Variants in HIP1R observed in about 807,000 individuals in gnomAD.
HIP1R encodes the protein huntingtin interacting protein 1 related, also known as huntingtin-interacting protein 1-related protein.
In HIP1R, 135 loss-of-function variants were observed where a neutral mutation model predicts 144.2. The observed-to-expected ratio is 0.94, with a 90% CI of 0.81 to 1.08. The LOEUF (loss-of-function observed/expected upper bound fraction) is 1.08, where lower values mean the gene tolerates loss of function less well. HIP1R is among the 50% of genes least tolerant of loss of function. The probability of loss-of-function intolerance (pLI) is 0.00; values close to 1 mark genes in which losing one functional copy is unlikely to be tolerated. For missense variants in HIP1R, 1,462 were observed against 1,432.8 expected, an observed-to-expected ratio of 1.02 and a Z score of -0.33; for synonymous variants, 698 against 612.8, an observed-to-expected ratio of 1.14 and a Z score of -2.05.
intron 1 of HIP1R, 44 bp from the exon 2 acceptor site, chr12:122,847,987 G>T (rs1286040755): frequency 1.2e-6 from 2 of 1,601,560 alleles, no homozygotes; most frequent in South Asian, 1.1e-5. Context: ...GTCTCCTGGG[G>T]TGGCTGCCTG....
Position 122,856,066 on chromosome 12 carries a change from C to A in HIP1R, c.1215C>A (p.Ala405=). The change falls in exon 14 of 32, where the codon GCC becomes GCA. Residue 405 remains alanine, a synonymous_variant. Transcript: ENST00000253083. ...AGCAGCGGAAGCAGAAGCAGAAGGC[C>A]CTGGTGGATAATGAGCAGCTCCGCC... ...LEEQRKQKQK[A]LVDNEQLRHE... is the part of the protein sequence containing the mutation. 6.3e-7 allele frequency: 1 copy of A among 1,591,434 alleles called. No individual in the cohort carries two copies. Among genetic ancestry groups the A allele is most frequent in the Non-Finnish European group, 8.6e-7 (1 of 1,169,308 alleles).
At chr12:122,857,996 G>GTGA (rs984524082) in intron 18 of HIP1R, 106 bp from the exon 19 acceptor site, 2 of 976,496 alleles carry the variant, frequency 2.0e-6, no homozygotes, top group South Asian at 1.7e-5. Context: ...ACCAGTGAGG[G>GTGA]TCTCAGCTGG....
intron 1 of HIP1R, among the ~76,000 whole-genome samples, chr12:122,835,994 T>C (rs1441444987): frequency 6.7e-6 from 1 of 149,208 alleles, no homozygotes; most frequent in Non-Finnish European, 1.5e-5. Flanking sequence ...GGGGCCGGGG[T>C]TGGGTGTGCG....
In HIP1R at chr12:122,849,879, A is replaced by G; in HGVS notation, c.362A>G (p.His121Arg). 13 of 1,612,790 alleles carry G rather than the reference A, an allele frequency of 8.1e-6. No individual in the cohort carries two copies. The highest frequency in any genetic ancestry group is 1.1e-5 in the Non-Finnish European group (13 of 1,179,338). Residue 121 changes from histidine (H) to arginine (R), a missense_variant, in exon 5 of 32, where the codon CAT becomes CGT. This residue lies in a region of HIP1R where 350 missense variants were observed against 421.1 expected (regional missense o/e 0.83). Transcript: ENST00000253083. Reference protein sequence around the residue: ...NIREIGDLWGHLHDRYGQLVN... With the variant: ...NIREIGDLWGRLHDRYGQLVN... ...ACCCTGTCTGTCTTCACACAGGGAC[A>G]TTTGCATGACCGCTACGGACAGCTG...
At chr12:122,837,980 A>T (rs1003466061) in intron 1 of HIP1R, among the ~76,000 whole-genome samples, 5 of 152,110 alleles carry the variant, frequency 3.3e-5, no homozygotes, top group African/African-American at 1.2e-4. Context: ...CTTCCTTTGT[A>T]ATACGCTGCT....
At chr12:122,861,674 G>A in intron 31 of HIP1R, 32 bp from the exon 32 acceptor site, 2 of 1,613,130 alleles carry the variant, frequency 1.2e-6, no homozygotes, top group Non-Finnish European at 1.7e-6. Context: ...GCCTGGCTGT[G>A]ACCACTGACC....
intron 15 of HIP1R, 35 bp downstream of exon 15, chr12:122,856,379 C>T: frequency 1.2e-6 from 2 of 1,611,710 alleles, no homozygotes; most frequent in East Asian, 4.5e-5. Flanking sequence ...CAGCCGGTGG[C>T]AGGGCCTCTC....
intron 12 of HIP1R, 63 bp downstream of exon 12, chr12:122,855,675 T>C: frequency 1.3e-6 from 2 of 1,531,648 alleles, no homozygotes; most frequent in South Asian, 1.2e-5. Context: ...TGAGCTGTGC[T>C]CTGGACAGTT....
Position 122,858,941 on chromosome 12 carries a change from C to T in HIP1R, c.2154C>T (p.Ala718=), listed in dbSNP as rs746443753. 1.6e-5 allele frequency: 25 copies of T among 1,612,848 alleles called. No homozygotes were observed. Among genetic ancestry groups the T allele is most frequent in the South Asian group, 2.2e-5 (2 of 91,076 alleles). Residue 718 remains alanine (A), a synonymous_variant, in exon 21 of 32, where the codon GCC becomes GCT. Coordinates refer to ENST00000253083, the MANE Select transcript of HIP1R (RefSeq NM_003959.3). ...ATSHLAPTDP[A]DRLIDTCREC... ...CGCACCTGGCTCCCACCGACCCTGC[C>T]GACCGTAAGTGGGTCCTGGGATGGC...
Position 122,861,345 on chromosome 12 carries a change from A to G in HIP1R, c.2990A>G (p.Glu997Gly). Reference sequence around the variant, plus strand: ...GAGCTGGAGAAGACGCTGGAGGCTGAACGCATGCGGCTGGGGGAGTTGCGG... The same window carrying G: ...GAGCTGGAGAAGACGCTGGAGGCTGGACGCATGCGGCTGGGGGAGTTGCGG... ...VLELEKTLEAERMRLGELRKQ... is the reference protein window; with the variant it reads ...VLELEKTLEAGRMRLGELRKQ... The change falls in exon 31 of 32, where the codon GAA (glutamate) becomes GGA (glycine). Residue 997 changes from glutamate to glycine, a missense_variant. This residue lies in a region of HIP1R where 1,112 missense variants were observed against 1,011.7 expected (regional missense o/e 1.10). Coordinates refer to ENST00000253083, the MANE Select transcript of HIP1R (RefSeq NM_003959.3). 6.2e-7 allele frequency: 1 copy of G among 1,613,604 alleles called. No individual in the cohort carries two copies. The highest frequency in any genetic ancestry group is 8.5e-7 in the Non-Finnish European group (1 of 1,179,928).
chr12:122,862,680 C>T lies in HIP1R; in HGVS notation c.*927C>T, dbSNP rs892775802. ...GAGTGGGCTAGGCCCTGGCTTTGCCCGTCAGATTTGAACGAATGTGTGTCC... is the reference window on the plus strand; with the variant it reads ...GAGTGGGCTAGGCCCTGGCTTTGCCTGTCAGATTTGAACGAATGTGTGTCC... On this transcript the variant is annotated 3_prime_UTR_variant, in exon 32 of 32. Transcript: ENST00000253083. 7.9e-5 allele frequency: 12 copies of T among 151,988 alleles called. No homozygotes were observed. Among genetic ancestry groups the T allele is most frequent in the Non-Finnish European group, 1.2e-4 (8 of 67,982 alleles). The allele number at this position is 151,988 out of a possible 1,614,324, so 9.4% of individuals were successfully genotyped here. A position where few individuals can be genotyped will look rare whatever the true frequency, so the allele number is the denominator to read the frequency against.
rs1321774429 is a variant in HIP1R, at chr12:122,862,818, C to G, written c.*1065C>G. 2.0e-5 allele frequency: 3 copies of G among 152,172 alleles called. No individual in the cohort carries two copies. The highest frequency in any genetic ancestry group is 4.8e-5 in the African/African-American group (2 of 41,430). 9.4% of individuals were successfully genotyped at this position (152,172 alleles called of 1,614,324 possible). ...CCAGCCCTAGCCCTTTAGCCTTTCA[C>G]CCTGTGCTCTGGAAAGGCTACCAAA... On this transcript the variant is annotated 3_prime_UTR_variant, in exon 32 of 32. Transcript: ENST00000253083.
intron 7 of HIP1R, 111 bp from the exon 8 acceptor site, chr12:122,853,932 C>T (rs958635929): frequency 8.1e-5 from 104 of 1,276,596 alleles, no homozygotes; most frequent in Non-Finnish European, 1.0e-4. Context: ...AGGCAGGGGG[C>T]ACACTGGTGT....
chr12:122,836,064 C>T lies in HIP1R; in HGVS notation c.93+421C>T, dbSNP rs1376523868. On this transcript the variant is annotated intron_variant, in intron 1 of 31. Coordinates refer to ENST00000253083, the MANE Select transcript of HIP1R (RefSeq NM_003959.3). This position sits in a 1 kb window ranked among gnomAD's most constrained non-coding sequence, Gnocchi z 4.1. ...GATCCAGGTGCTCCCGGGGCCGGCG[C>T]GGCCCGACTGGGGTCCCCGACCTTC... Among the ~76,000 whole-genome samples the T allele has an allele frequency of 6.6e-6, 1 of 152,096 alleles. No homozygotes were observed. Among genetic ancestry groups the T allele is most frequent in the African/African-American group, 2.4e-5 (1 of 41,442 alleles).
At position 122,856,705 on chromosome 12, in the gene HIP1R, G is replaced by A. The variant is rs1294268248; in HGVS notation, c.1599G>A (p.Glu533=). Residue 533 remains glutamate, a synonymous_variant, in exon 17 of 32, where the codon GAG becomes GAA. Coordinates refer to ENST00000253083, the MANE Select transcript of HIP1R (RefSeq NM_003959.3). ...AKAGELARAQ[E]ALSHTEQSKS... is the part of the protein sequence containing the mutation. ...CCGGAGAGCTGGCCCGCGCGCAGGAGGCCCTGAGCCACACAGAGCAGGTGC... is the reference window on the plus strand; with the variant it reads ...CCGGAGAGCTGGCCCGCGCGCAGGAAGCCCTGAGCCACACAGAGCAGGTGC... 1.9e-6 allele frequency: 3 copies of A among 1,583,388 alleles called. No individual in the cohort carries two copies. The highest frequency in any genetic ancestry group is 2.6e-6 in the Non-Finnish European group (3 of 1,165,258).
intron 4 of HIP1R, 29 bp downstream of exon 4, chr12:122,848,881 G>A: frequency 6.2e-7 from 1 of 1,609,104 alleles, no homozygotes; most frequent in Non-Finnish European, 8.5e-7. Context: ...GGTCCTGCCT[G>A]GCATTCGGGG....
At chr12:122,834,966 C>G, upstream of HIP1R, 3 of 1,289,184 alleles carry the variant, frequency 2.3e-6, no homozygotes, top group Non-Finnish European at 3.0e-6. Context: ...GCCAGATTTT[C>G]TCCAATTAAC....
Position 122,860,950 on chromosome 12 carries a change from G to A in HIP1R, c.2801G>A (p.Arg934His), listed in dbSNP as rs1277362754. 23 of 1,613,124 alleles carry A rather than the reference G, an allele frequency of 1.4e-5. No homozygotes were observed. The Middle Eastern group carries it at 6.6e-4, about 46-fold the overall frequency. Reference protein sequence around the residue: ...KANKHSPHLSRLQECSRTVNE... With the variant: ...KANKHSPHLSHLQECSRTVNE... Reference sequence around the variant, plus strand: ...AACAAGCACAGCCCCCACCTGAGCCGCCTGCAGGAATGTTCTCGCACAGTC... The same window carrying A: ...AACAAGCACAGCCCCCACCTGAGCCACCTGCAGGAATGTTCTCGCACAGTC... Residue 934 changes from arginine to histidine, a missense_variant, in exon 29 of 32, where the codon CGC becomes CAC. Physicochemically the swap from Arg to His is conservative, Grantham distance 29. Coordinates refer to ENST00000253083, the MANE Select transcript of HIP1R (RefSeq NM_003959.3).
Position 122,856,310 on chromosome 12 carries a change from A to T in HIP1R, c.1367A>T (p.Glu456Val), listed in dbSNP as rs781261614. The part of the protein sequence containing the change: ...RYNKLKEKHS[E>V]LVHVHAELLR... The stretch of plus-strand genomic sequence containing the variant: ...AACAAGCTGAAGGAAAAGCACAGTG[A>T]GCTCGTCCATGTGCACGCGGAGCTG... Residue 456 changes from glutamate (E) to valine (V), a missense_variant, in exon 15 of 32, where the codon GAG (glutamate) becomes GTG (valine). Glu to Val is a moderately radical substitution (Grantham distance 121). Transcript: ENST00000253083. 1 of 1,613,878 alleles carries T rather than the reference A, an allele frequency of 6.2e-7. No individual in the cohort carries two copies. Among genetic ancestry groups the T allele is most frequent in the Non-Finnish European group, 8.5e-7 (1 of 1,179,996 alleles).
Sources: allele counts gnomAD v4.1 joint callset (sites outside exome capture counted in the v4.1 genomes callset), GRCh38; gene constraint gnomAD v4.1.1; regional missense constraint gnomAD v4.1.1; non-coding constraint Gnocchi (gnomAD v3.1); transcripts MANE v1.5; gene names NCBI Gene and HGNC (gene_info 2026-07-23, HGNC 2026-07-21).